The following DMD variants were observed in gnomAD, a reference collection of about 807,000 sequenced individuals.
DMD encodes the protein dystrophin.
In DMD, 63 loss-of-function variants were observed where a neutral mutation model predicts 330.1. That is an observed-to-expected ratio of 0.19 (90% confidence interval 0.16 to 0.24). The LOEUF (loss-of-function observed/expected upper bound fraction) is 0.24, where lower values mean the gene tolerates loss of function less well. Ranked by LOEUF, DMD falls within the 10% of genes least tolerant of loss-of-function variation. The pLI is 1.00. For synonymous variants in DMD, 1,223 were observed against 959.8 expected (o/e 1.27, Z -5.07); for missense variants, 3,344 against 2,684.1 (o/e 1.25, Z -5.43).
Position 32,479,991 on chromosome X carries a change from A to G in DMD, c.2803+4928T>C, listed in dbSNP as rs769415400. Among the ~76,000 whole-genome samples, 17 of 111,432 alleles carry G rather than the reference A, an allele frequency of 1.5e-4. No homozygotes were observed. In the East Asian group the frequency reaches 4.8e-3, roughly 31 times the overall value. On this transcript the variant is annotated intron_variant, in intron 21 of 78. Transcript: ENST00000357033. ...AGAGGCAGCTCACAGATCAAGAGAA[A>G]ATATTTGCAAACCAAATATCTGGTA...
chrX:31,522,280 G>A (rs1357773999), intron 55 of DMD, among the ~76,000 whole-genome samples: 1 of 103,300 alleles, frequency 9.7e-6, no homozygotes, highest in Non-Finnish European at 2.0e-5. Flanking sequence ...AGGGAAGAGG[G>A]GAAGACCCAT....
intron 60 of DMD, among the ~76,000 whole-genome samples, chrX:31,397,068 A>T (rs2060979208): frequency 8.9e-6 from 1 of 112,039 alleles, no homozygotes; most frequent in Non-Finnish European, 1.9e-5. Flanking sequence ...ACTCATTTGT[A>T]TAATTTTGGG....
rs1215247214 is a variant in DMD, at chrX:32,529,352, C to T, written c.2169-11221G>A. ...ACTTCCTGAGGCTGTGTCACAGGCG[C>T]GCGAATTCCACCTTGGCAAAAATCA... is the stretch of plus-strand genomic sequence containing the variant. On this transcript the variant is annotated intron_variant, in intron 17 of 78. Transcript: ENST00000357033. 4.0e-5 allele frequency among the ~76,000 whole-genome samples: 4 copies of T among 100,145 alleles called. No homozygotes were observed. In the South Asian group the frequency reaches 1.5e-3, roughly 37 times the overall value. The allele number at this position is 100,145 out of a possible 115,157, so 87.0% of individuals were successfully genotyped here.
At chrX:32,007,628 G>C (rs2095672276) in intron 44 of DMD, among the ~76,000 whole-genome samples, 1 of 111,093 alleles carries the variant, frequency 9.0e-6, no homozygotes, top group African/African-American at 3.3e-5. Context: ...AAGCTGGTAG[G>C]CTTTAGGTCC....
intron 53 of DMD, among the ~76,000 whole-genome samples, chrX:31,661,806 C>T (rs1471105639): frequency 8.9e-6 from 1 of 111,746 alleles, no homozygotes; most frequent in Non-Finnish European, 1.9e-5. Flanking sequence ...TTTCCCCAAC[C>T]AGGAAAGAAA....
intron 50 of DMD, among the ~76,000 whole-genome samples, chrX:31,799,125 GA>G (rs2091952765): frequency 9.0e-6 from 1 of 111,536 alleles, no homozygotes; most frequent in Non-Finnish European, 1.9e-5. Flanking sequence ...GTAACTTCAG[GA>G]TTTCTATATT....
intron 1 of DMD, among the ~76,000 whole-genome samples, chrX:33,205,829 G>C (rs1454927998): frequency 8.9e-6 from 1 of 111,877 alleles, no homozygotes; most frequent in African/African-American, 3.2e-5. Flanking sequence ...ACATTTAAAA[G>C]TTGACAAATT....
At chrX:31,616,913 A>G (rs1054189527) in intron 55 of DMD, among the ~76,000 whole-genome samples, 2 of 111,659 alleles carry the variant, frequency 1.8e-5, no homozygotes, top group African/African-American at 6.5e-5. Flanking sequence ...AGATTTAGAA[A>G]TGACTATATG....
At chrX:32,453,372 T>A (rs2098341719) in intron 26 of DMD, among the ~76,000 whole-genome samples, 1 of 110,716 alleles carries the variant, frequency 9.0e-6, no homozygotes, top group South Asian at 3.7e-4. Context: ...ATACTAATTT[T>A]TTCTTCATTA....
intron 60 of DMD, among the ~76,000 whole-genome samples, chrX:31,437,809 G>GATATATAT (rs34012169): frequency 2.0e-5 from 2 of 100,328 alleles, no homozygotes; most frequent in African/African-American, 3.6e-5. Flanking sequence ...TTTGCATCCT[G>GATATATAT]ATATATATAT....
intron 11 of DMD, among the ~76,000 whole-genome samples, chrX:32,628,777 A>T (rs1428370598): frequency 3.6e-5 from 4 of 111,516 alleles, no homozygotes; most frequent in African/African-American, 1.3e-4. Context: ...TCTTTGACCC[A>T]CTGATAATTC....
At chrX:31,311,322 T>C (rs1056083503) in intron 62 of DMD, among the ~76,000 whole-genome samples, 8 of 111,891 alleles carry the variant, frequency 7.1e-5, no homozygotes, top group Admixed American at 6.6e-4. Context: ...AGAGCACTTC[T>C]TGTCCATCTA....
chrX:31,149,851 A>C (rs2037182095), intron 74 of DMD, among the ~76,000 whole-genome samples: 1 of 111,877 alleles, frequency 8.9e-6, no homozygotes, highest in South Asian at 3.7e-4. Flanking sequence ...TTAGGAGCAC[A>C]GTGGTTATAT....
intron 44 of DMD, among the ~76,000 whole-genome samples, chrX:32,147,491 T>C (rs773505534): frequency 1.8e-5 from 2 of 112,063 alleles, no homozygotes; most frequent in Non-Finnish European, 3.8e-5. Context: ...TGTATGTATG[T>C]ATAAGCAAAG....
At chrX:32,819,944 T>C (rs2078091667) in intron 5 of DMD, among the ~76,000 whole-genome samples, 1 of 111,133 alleles carries the variant, frequency 9.0e-6, no homozygotes, top group Non-Finnish European at 1.9e-5. Flanking sequence ...TTAATAGTTT[T>C]AGAACAGGGC....
At chrX:32,653,881 G>A (rs1168288068) in intron 9 of DMD, among the ~76,000 whole-genome samples, 1 of 111,755 alleles carries the variant, frequency 8.9e-6, no homozygotes, top group Non-Finnish European at 1.9e-5. Flanking sequence ...CACATCCCTT[G>A]CAAGTTGGAT....
chrX:31,700,892 G>T (rs957687177), intron 52 of DMD, among the ~76,000 whole-genome samples: 1 of 111,833 alleles, frequency 8.9e-6, no homozygotes, highest in Admixed American at 9.5e-5. Context: ...AAACTATCTA[G>T]ATGTGATAAT....
intron 27 of DMD, among the ~76,000 whole-genome samples, chrX:32,445,198 A>G (rs938614420): frequency 2.0e-4 from 22 of 111,404 alleles, no homozygotes; most frequent in African/African-American, 7.1e-4. Flanking sequence ...CATATGAATA[A>G]GGCCAATCTG....
chrX:31,236,560 G>C (rs1603100655), intron 63 of DMD, among the ~76,000 whole-genome samples: 1 of 112,022 alleles, frequency 8.9e-6, no homozygotes, highest in South Asian at 3.7e-4. Flanking sequence ...TATAACAGAG[G>C]GCTTATATGG....
Sources: gnomAD v4.1 joint callset for allele counts (sites outside exome capture counted in the v4.1 genomes callset) on GRCh38, gnomAD v4.1.1 for gene constraint, MANE v1.5 for transcripts, NCBI Gene and HGNC (gene_info 2026-07-23, HGNC 2026-07-21) for gene names.